Variants in HPSE2 observed in about 807,000 individuals in gnomAD.
HPSE2 encodes the protein heparanase 2 (inactive), also known as inactive heparanase-2.
Under a neutral mutation model 60.5 loss-of-function variants are expected in HPSE2, and 38 were observed. The observed-to-expected ratio is 0.63, with a 90% CI of 0.48 to 0.82. The LOEUF is 0.82. Ranked by LOEUF, HPSE2 falls within the 40% of genes least tolerant of loss-of-function variation. The pLI is 0.00. For missense variants in HPSE2, 713 were observed against 740.4 expected (o/e 0.96, Z 0.43); for synonymous variants, 295 against 293.2 (o/e 1.01, Z -0.06).
chr10:98,657,617 G>T (rs1422565357), intron 6 of HPSE2, among the ~76,000 whole-genome samples: 1 of 152,014 alleles, frequency 6.6e-6, no homozygotes, highest in African/African-American at 2.4e-5. Flanking sequence ...GATTACAGGC[G>T]TGAGCCACCA....
intron 9 of HPSE2, among the ~76,000 whole-genome samples, chr10:98,602,493 A>G (rs1945456078): frequency 6.6e-6 from 1 of 152,170 alleles, no homozygotes; most frequent in South Asian, 2.1e-4. Context: ...TCATTTTTGC[A>G]GTTACTCACA....
chr10:98,932,919 A>G (rs1204659123), intron 3 of HPSE2, among the ~76,000 whole-genome samples: 1 of 143,290 alleles, frequency 7.0e-6, no homozygotes, highest in East Asian at 2.0e-4. Context: ...GATTTTTTCA[A>G]AAACACAGCT....
chr10:98,801,661 A>T (rs952261974), intron 3 of HPSE2, among the ~76,000 whole-genome samples: 3 of 152,132 alleles, frequency 2.0e-5, no homozygotes, highest in African/African-American at 7.2e-5. Context: ...CTACAATAAA[A>T]ACTATAAAAC....
chr10:98,843,267 C>T (rs973781748), intron 3 of HPSE2, among the ~76,000 whole-genome samples: 5 of 152,118 alleles, frequency 3.3e-5, no homozygotes, highest in African/African-American at 1.2e-4. Context: ...CATCATTTAG[C>T]TCCCACTTAT....
At chr10:98,468,960 G>T (rs1187376462) in intron 11 of HPSE2, among the ~76,000 whole-genome samples, 11 of 152,132 alleles carry the variant, frequency 7.2e-5, no homozygotes, top group African/African-American at 2.7e-4. Flanking sequence ...GAGCAGTTTT[G>T]ATCTAGCTTC....
rs371722869 is a variant in HPSE2 at position 98,559,444 on chromosome 10, T to C, written c.1320+55460A>G. Among the ~76,000 whole-genome samples, 12 of 152,274 alleles carry C rather than the reference T, an allele frequency of 7.9e-5. No homozygotes were observed. In the South Asian group the frequency reaches 8.3e-4, roughly 11 times the overall value. ...CCCTGCCCCAACTCTACACTCCCAC[T>C]GTGGTTGTACCTCAGCACACTCTCC... On this transcript the variant is annotated intron_variant, in intron 9 of 11. Coordinates refer to ENST00000370552, the MANE Select transcript of HPSE2 (RefSeq NM_021828.5).
intron 2 of HPSE2, among the ~76,000 whole-genome samples, chr10:99,145,340 C>G (rs1846011759): frequency 6.7e-6 from 1 of 149,046 alleles, no homozygotes; most frequent in South Asian, 2.2e-4. Flanking sequence ...ACCTGTAGTC[C>G]CAGCTATTTG....
chr10:98,478,443 G>A (rs763284296), intron 11 of HPSE2, among the ~76,000 whole-genome samples: 25 of 152,070 alleles, frequency 1.6e-4, no homozygotes, highest in Non-Finnish European at 3.2e-4. Context: ...AGAGCTCAAA[G>A]GGAAGCTATA....
At chr10:99,128,117 A>T (rs967193647) in intron 3 of HPSE2, among the ~76,000 whole-genome samples, 11 of 152,226 alleles carry the variant, frequency 7.2e-5, no homozygotes, top group Admixed American at 7.2e-4. Context: ...CAACAATTAG[A>T]ATACAGAACA....
chr10:98,839,469 T>C (rs528905801), intron 3 of HPSE2, among the ~76,000 whole-genome samples: 21 of 152,294 alleles, frequency 1.4e-4, no homozygotes, highest in African/African-American at 4.8e-4. Context: ...ACATCAACAA[T>C]GTTTAAGACA....
chr10:99,024,204 C>A (rs1411393605), intron 3 of HPSE2, among the ~76,000 whole-genome samples: 6 of 152,022 alleles, frequency 3.9e-5, no homozygotes, highest in African/African-American at 1.4e-4. Flanking sequence ...AATTGGTATA[C>A]TGAAGAATGC....
intron 3 of HPSE2, among the ~76,000 whole-genome samples, chr10:98,802,254 G>A (rs1297116540): frequency 6.6e-6 from 1 of 151,564 alleles, no homozygotes; most frequent in Non-Finnish European, 1.5e-5. Context: ...AACTCTCCAG[G>A]ACAGTGGACT....
chr10:98,486,443 T>C (rs997370038), intron 10 of HPSE2, among the ~76,000 whole-genome samples: 10 of 152,192 alleles, frequency 6.6e-5, no homozygotes, highest in Non-Finnish European at 7.3e-5. Context: ...GGTGAGATTT[T>C]TTTTTCACCA....
At chr10:98,932,927 G>A (rs1346874987) in intron 3 of HPSE2, among the ~76,000 whole-genome samples, 1 of 143,154 alleles carries the variant, frequency 7.0e-6, no homozygotes, top group African/African-American at 2.9e-5. Flanking sequence ...CAAAAACACA[G>A]CTCCTGGATT....
chr10:99,289,627 CA>C, the HPSE2 span, among the ~76,000 whole-genome samples: 1 of 152,156 alleles, frequency 6.6e-6, no homozygotes, highest in East Asian at 1.9e-4. Context: ...TTTCCAATCA[CA>C]GATGACTAGT....
At chr10:99,174,380 CTACTTCT>C (rs1335266998) in intron 2 of HPSE2, among the ~76,000 whole-genome samples, 1 of 152,190 alleles carries the variant, frequency 6.6e-6, no homozygotes, top group Non-Finnish European at 1.5e-5. Context: ...AACACAGGGT[CTACTTCT>C]GTAGCTTCTA....
intron 9 of HPSE2, among the ~76,000 whole-genome samples, chr10:98,502,983 G>A (rs544832315): frequency 9.2e-5 from 14 of 152,186 alleles, no homozygotes; most frequent in East Asian, 3.9e-4. Context: ...AGGCCGAGGC[G>A]GGTGGATCAC....
intron 9 of HPSE2, among the ~76,000 whole-genome samples, chr10:98,598,916 T>C (rs981061598): frequency 1.3e-5 from 2 of 150,926 alleles, no homozygotes; most frequent in African/African-American, 2.4e-5. Context: ...TCCACTGGGG[T>C]TGGCTTGGAG....
chr10:98,659,726 G>A (rs1023899815), intron 6 of HPSE2, among the ~76,000 whole-genome samples: 3 of 152,068 alleles, frequency 2.0e-5, no homozygotes, highest in African/African-American at 7.2e-5. Flanking sequence ...AAGGTCCTAT[G>A]GATGGAAATC....
Sources: gnomAD v4.1 joint callset for allele counts (sites outside exome capture counted in the v4.1 genomes callset) on GRCh38, gnomAD v4.1.1 for gene constraint, MANE v1.5 for transcripts, NCBI Gene and HGNC (gene_info 2026-07-23, HGNC 2026-07-21) for gene names.